BMPR2: variants seen among roughly 807,000 people sequenced by gnomAD.
BMPR2 encodes the protein bone morphogenetic protein receptor type-2.
BMPR2 carries 29 observed loss-of-function variants against 100.8 expected under a neutral mutation model. That is an observed-to-expected ratio of 0.29 (90% CI 0.21 to 0.39). The LOEUF (loss-of-function observed/expected upper bound fraction) is 0.39. Among genes scored for constraint, BMPR2 ranks in the 10% least tolerant of loss-of-function variants. BMPR2 has a pLI of 1.00. For missense variants in BMPR2, 1,011 were observed against 1,274.5 expected (o/e 0.79, Z 3.15); for synonymous variants, 382 against 442.3 (o/e 0.86, Z 1.71).
intron 3 of BMPR2, among the ~76,000 whole-genome samples, chr2:202,485,259 G>A (rs986812126): frequency 6.6e-6 from 1 of 151,720 alleles, no homozygotes. Flanking sequence ...ACTTTTTTTT[G>A]TAGGGTTGCC....
chr2:202,497,315 G>A (rs533215364), intron 3 of BMPR2, among the ~76,000 whole-genome samples: 12 of 152,218 alleles, frequency 7.9e-5, no homozygotes, highest in Admixed American at 5.9e-4. Flanking sequence ...TCACCTATCC[G>A]CAAGCAGTGA....
intron 3 of BMPR2, among the ~76,000 whole-genome samples, chr2:202,485,166 A>ATTTATATT (rs1692748410): frequency 6.6e-6 from 1 of 152,026 alleles, no homozygotes; most frequent in Admixed American, 6.6e-5. Flanking sequence ...AATAATATAA[A>ATTTATATT]TGGTAATTAA....
intron 3 of BMPR2, among the ~76,000 whole-genome samples, chr2:202,497,016 C>T (rs1693046656): frequency 6.6e-6 from 1 of 152,246 alleles, no homozygotes; most frequent in Admixed American, 6.5e-5. Flanking sequence ...AGCCGGCCAG[C>T]CCTGCCGGCC....
rs767852462 is a variant in BMPR2, at chr2:202,530,856, G to T, written c.1030G>T (p.Asp344Tyr). The change falls in exon 8 of 13, where the codon GAT becomes TAT. Residue 344 changes from aspartate (D) to tyrosine (Y), a missense_variant. Physicochemically the swap from Asp to Tyr is radical, Grantham distance 160. This residue lies in a region of BMPR2 where 355 missense variants were observed against 455.3 expected (regional missense o/e 0.78). Coordinates refer to ENST00000374580, the MANE Select transcript of BMPR2 (RefSeq NM_001204.7). ...LNSRNVLVKNDGTCVISDFGL... is the reference protein window; with the variant it reads ...LNSRNVLVKNYGTCVISDFGL... ...CAGCAGAAATGTCCTAGTGAAAAAT[G>T]ATGGAACCTGTGTTATTAGTGACTT... 2 of 1,613,970 alleles carry T rather than the reference G, an allele frequency of 1.2e-6. No homozygotes were observed. Among genetic ancestry groups the T allele is most frequent in the Non-Finnish European group, 1.7e-6 (2 of 1,179,874 alleles).
intron 1 of BMPR2, among the ~76,000 whole-genome samples, chr2:202,422,373 C>A (rs1456440451): frequency 6.6e-6 from 1 of 152,102 alleles, no homozygotes; most frequent in Non-Finnish European, 1.5e-5. Flanking sequence ...GTGGGGCGAT[C>A]TGGGCTCACT....
At position 202,397,573 on chromosome 2, in the gene BMPR2, C is replaced by T. The variant is rs1690678440; in HGVS notation, c.76+20023C>T. On this transcript the variant is annotated intron_variant, in intron 1 of 12. Transcript: ENST00000374580. ...GAGTGCAGTGGCACAAACATGGCTC[C>T]CTGGGGCCTCCACTTTCTGGGCTCA... Among the ~76,000 whole-genome samples, 3 of 150,926 alleles carry T rather than the reference C, an allele frequency of 2.0e-5. No individual in the cohort carries two copies. In the South Asian group the frequency reaches 6.3e-4, roughly 32 times the overall value.
chr2:202,436,140 C>T lies in BMPR2; in HGVS notation c.77-28669C>T, dbSNP rs1277079705. ...ATCACTGGTAATAGTGATAATAAAC[C>T]GGCCATTTTCATGAAAACTTAGTTT... On this transcript the variant is annotated intron_variant, in intron 1 of 12. Transcript: ENST00000374580. Among the ~76,000 whole-genome samples the T allele has an allele frequency of 3.3e-5, 5 of 150,536 alleles. No individual in the cohort carries two copies. In the East Asian group the frequency reaches 5.8e-4, roughly 17 times the overall value.
At chr2:202,447,556 C>T (rs1032290859) in intron 1 of BMPR2, among the ~76,000 whole-genome samples, 1 of 150,130 alleles carries the variant, frequency 6.7e-6, no homozygotes, top group East Asian at 1.9e-4. Context: ...CGGCATGTGC[C>T]TATAGTCCAG....
At chr2:202,381,415 T>A (rs759522708) in intron 1 of BMPR2, among the ~76,000 whole-genome samples, 6 of 152,120 alleles carry the variant, frequency 3.9e-5, no homozygotes, top group Non-Finnish European at 7.4e-5. Context: ...AGAAGTAACA[T>A]CTATCTGGGG....
At chr2:202,541,087 T>A (rs1688260900) in intron 9 of BMPR2, among the ~76,000 whole-genome samples, 1 of 152,204 alleles carries the variant, frequency 6.6e-6, no homozygotes, top group Non-Finnish European at 1.5e-5. Flanking sequence ...GGTTATTAAA[T>A]AGTGATAAAA....
chr2:202,434,720 C>A (rs1574446870), intron 1 of BMPR2, among the ~76,000 whole-genome samples: 1 of 147,354 alleles, frequency 6.8e-6, no homozygotes, highest in African/African-American at 2.6e-5. Flanking sequence ...ACCTCTGGGG[C>A]TCAAGCGAGC....
At chr2:202,474,781 A>G (rs1229879629) in intron 3 of BMPR2, 1 of 152,154 alleles carries the variant, frequency 6.6e-6, no homozygotes, top group East Asian at 1.9e-4. Context: ...TCGGCCTCCC[A>G]AAGTGCTGGG....
chr2:202,376,900 A>T lies in BMPR2; in HGVS notation c.-575A>T, dbSNP rs550462760. ...GCAGGCACCTTTTTTGATCCAGTCA[A>T]GGAAGAGGATTTGTTGTTTTCGAAA... On this transcript the variant is annotated 5_prime_UTR_variant, in exon 1 of 13. It adds an upstream start codon to the 5' untranslated region. Transcript: ENST00000374580. The T allele has an allele frequency of 3.3e-4, 142 of 433,196 alleles. 2 individuals carry two copies. The highest frequency in any genetic ancestry group is 5.1e-4 in the Non-Finnish European group (126 of 247,850). The allele number at this position is 433,196 out of a possible 1,614,324, so 26.8% of individuals were successfully genotyped here.
intron 1 of BMPR2, among the ~76,000 whole-genome samples, chr2:202,407,665 A>G (rs2105914719): frequency 6.6e-6 from 1 of 150,914 alleles, no homozygotes; most frequent in Non-Finnish European, 1.5e-5. Context: ...GCTACTCGGG[A>G]GGCTGAGGCA....
intron 1 of BMPR2, among the ~76,000 whole-genome samples, chr2:202,449,031 GC>G (rs1691918434): frequency 2.0e-5 from 3 of 151,036 alleles, no homozygotes; most frequent in Admixed American, 6.6e-5. Context: ...AAAATAGCAG[GC>G]CTGGGGTGGG....
In BMPR2 at chr2:202,503,850, A is replaced by G. The variant is rs1379121729; in HGVS notation, c.419-9869A>G. The stretch of plus-strand genomic sequence containing the variant: ...CTGGGCTCCTGAGTCTGGTGGGGAC[A>G]TGGAGAACCTTTATGTCTAGCTCAG... On this transcript the variant is annotated intron_variant, in intron 3 of 12. Coordinates refer to ENST00000374580, the MANE Select transcript of BMPR2 (RefSeq NM_001204.7). The surrounding 1 kb of genome is among the most constrained non-coding windows in gnomAD (Gnocchi z 4.0). Among the ~76,000 whole-genome samples, 4 of 152,164 alleles carry G rather than the reference A, an allele frequency of 2.6e-5. No homozygotes were observed. Among genetic ancestry groups the G allele is most frequent in the Admixed American group, 6.5e-5 (1 of 15,282 alleles).
intron 1 of BMPR2, among the ~76,000 whole-genome samples, chr2:202,422,770 G>C (rs1256964130): frequency 2.6e-5 from 4 of 152,112 alleles, no homozygotes; most frequent in Non-Finnish European, 5.9e-5. Context: ...TCTGCCTCGT[G>C]GGTTCAAGCG....
chr2:202,505,310 T>C (rs1485112899), intron 3 of BMPR2: 1 of 150,908 alleles, frequency 6.6e-6, no homozygotes, highest in Non-Finnish European at 1.5e-5. Flanking sequence ...TTTCTTCACC[T>C]ATCCTGTAGA....
intron 1 of BMPR2, among the ~76,000 whole-genome samples, chr2:202,378,008 T>G (rs1288563047): frequency 1.3e-5 from 2 of 152,210 alleles, no homozygotes; most frequent in African/African-American, 4.8e-5. Flanking sequence ...ATTTTGAAAT[T>G]TAGATCACTC....
Sources: gnomAD v4.1 joint callset for allele counts (sites outside exome capture counted in the v4.1 genomes callset) on GRCh38, gnomAD v4.1.1 for gene constraint, gnomAD v4.1.1 regional missense constraint, Gnocchi (gnomAD v3.1) non-coding constraint, MANE v1.5 for transcripts, NCBI Gene and HGNC (gene_info 2026-07-23, HGNC 2026-07-21) for gene names.